The following CNOT2 variants were observed in gnomAD, a reference collection of about 807,000 sequenced individuals.
The protein encoded by CNOT2 is CC chemokine receptor 4-negative regulator of transcription 2.
A neutral mutation model predicts 72.1 loss-of-function variants in CNOT2; 7 were observed. The ratio of observed to expected loss-of-function variants is 0.10; its 90% CI spans 0.06 to 0.18. The LOEUF is 0.18. Among genes scored for constraint, CNOT2 ranks in the 10% least tolerant of loss-of-function variants. The pLI is 1.00. For synonymous variants in CNOT2, 196 were observed against 225.6 expected (o/e 0.87, Z 1.17); for missense variants, 345 against 660.3 (o/e 0.52, Z 5.23).
chr12:70,289,961 T>G (rs1448463860), intron 2 of CNOT2, among the ~76,000 whole-genome samples: 1 of 152,174 alleles, frequency 6.6e-6, no homozygotes, highest in Non-Finnish European at 1.5e-5. Context: ...CTGTTAATAT[T>G]CTTTAGATTT....
intron 1 of CNOT2, among the ~76,000 whole-genome samples, chr12:70,277,530 A>G (rs1388192268): frequency 6.6e-6 from 1 of 152,162 alleles, no homozygotes; most frequent in Non-Finnish European, 1.5e-5. Flanking sequence ...AGACAAAAGC[A>G]TCAAAGGAAG....
intron 2 of CNOT2, among the ~76,000 whole-genome samples, chr12:70,282,061 A>G (rs1490180379): frequency 1.3e-5 from 2 of 152,198 alleles, no homozygotes; most frequent in Admixed American, 1.3e-4. Context: ...GGTACTGCCA[A>G]TACCTAGCTT....
intron 4 of CNOT2, among the ~76,000 whole-genome samples, chr12:70,321,305 G>GA (rs918152497): frequency 6.6e-6 from 1 of 151,852 alleles, no homozygotes; most frequent in East Asian, 1.9e-4. Flanking sequence ...ATAACTAGTG[G>GA]AAAAAGAAAG....
At chr12:70,303,429 C>T (rs1279328680) in intron 2 of CNOT2, among the ~76,000 whole-genome samples, 3 of 152,170 alleles carry the variant, frequency 2.0e-5, no homozygotes, top group Non-Finnish European at 4.4e-5. Flanking sequence ...CAAAATGTCT[C>T]AGCATTTGCT....
At chr12:70,259,830 G>T in intron 1 of CNOT2, among the ~76,000 whole-genome samples, 1 of 152,134 alleles carries the variant, frequency 6.6e-6, no homozygotes, top group Non-Finnish European at 1.5e-5. Flanking sequence ...TCTAGATTTT[G>T]TATGTTGCTA....
chr12:70,299,373 C>G (rs1383795652), intron 2 of CNOT2, among the ~76,000 whole-genome samples: 4 of 115,440 alleles, frequency 3.5e-5, no homozygotes, highest in African/African-American at 9.2e-5. Context: ...TCCCTCCCCC[C>G]TCCCCCCACC....
At chr12:70,282,238 T>G (rs1448261123) in intron 2 of CNOT2, among the ~76,000 whole-genome samples, 1 of 152,184 alleles carries the variant, frequency 6.6e-6, no homozygotes, top group Non-Finnish European at 1.5e-5. Flanking sequence ...TTACTTTGAA[T>G]GGAACTTTTC....
At chr12:70,272,318 G>T (rs1718303610) in intron 1 of CNOT2, among the ~76,000 whole-genome samples, 1 of 152,134 alleles carries the variant, frequency 6.6e-6, no homozygotes, top group African/African-American at 2.4e-5. Flanking sequence ...TCAGACTGTT[G>T]GGTGTTCAGT....
chr12:70,250,598 G>T (rs949685833), intron 1 of CNOT2, among the ~76,000 whole-genome samples: 1 of 151,916 alleles, frequency 6.6e-6, no homozygotes, highest in African/African-American at 2.4e-5. Context: ...AAATAAAGGG[G>T]GATAAAGGTA....
intron 4 of CNOT2, among the ~76,000 whole-genome samples, chr12:70,325,029 G>T (rs1421383914): frequency 6.6e-6 from 1 of 151,742 alleles, no homozygotes; most frequent in Non-Finnish European, 1.5e-5. Flanking sequence ...AGTCAAGCAC[G>T]CTATGTCTAC....
Position 70,278,115 on chromosome 12 carries a change from G to A in CNOT2, c.-95-17G>A. ...CATGTTAGTAATTTTGATGGCTTTT[G>A]GATAATTCCACTCTAGAGGGAGACG... On this transcript the variant is annotated splice_polypyrimidine_tract_variant and intron_variant, in intron 1 of 15. Coordinates refer to ENST00000229195, the MANE Select transcript of CNOT2 (RefSeq NM_014515.7). 1 of 697,070 alleles carries A rather than the reference G, an allele frequency of 1.4e-6. No homozygotes were observed. The highest frequency in any genetic ancestry group is 2.5e-6 in the Non-Finnish European group (1 of 392,864). The allele number at this position is 697,070 out of a possible 1,614,324, so 43.2% of individuals were successfully genotyped here. A position where few individuals can be genotyped will look rare whatever the true frequency, so the allele number is the denominator to read the frequency against.
In CNOT2 at chr12:70,342,174, A is replaced by C; in HGVS notation, c.1240+6A>C. 1 of 1,611,708 alleles carries C rather than the reference A, an allele frequency of 6.2e-7. No individual in the cohort carries two copies. ...TTGTCGACCTCAAGACATAGGTAGGAGAATCTATTTGTGTTTAGACCTTTT... is the reference window on the plus strand; with the variant it reads ...TTGTCGACCTCAAGACATAGGTAGGCGAATCTATTTGTGTTTAGACCTTTT... On this transcript the variant is annotated splice_donor_region_variant and intron_variant, in intron 12 of 15. Transcript: ENST00000229195.
chr12:70,271,773 A>G (rs990579045), intron 1 of CNOT2, among the ~76,000 whole-genome samples: 1 of 152,198 alleles, frequency 6.6e-6, no homozygotes, highest in Non-Finnish European at 1.5e-5. Flanking sequence ...AGTGTTTGCT[A>G]TGGTGAGACA....
chr12:70,281,939 T>C (rs961375879), intron 2 of CNOT2, among the ~76,000 whole-genome samples: 2 of 128,414 alleles, frequency 1.6e-5, no homozygotes, highest in Admixed American at 7.3e-5. Context: ...TAATGGCTAC[T>C]GTATTGAACA....
At chr12:70,252,532 C>T (rs893284826) in intron 1 of CNOT2, among the ~76,000 whole-genome samples, 1 of 152,142 alleles carries the variant, frequency 6.6e-6, no homozygotes, top group African/African-American at 2.4e-5. Flanking sequence ...AATGGTTCAA[C>T]TATGGCATTT....
At chr12:70,300,365 A>G (rs1227852127) in intron 2 of CNOT2, among the ~76,000 whole-genome samples, 1 of 152,216 alleles carries the variant, frequency 6.6e-6, no homozygotes, top group Admixed American at 6.5e-5. Context: ...CTAACATTTA[A>G]GTCTTTAATC....
chr12:70,304,889 C>T (rs1373997957), intron 2 of CNOT2, among the ~76,000 whole-genome samples: 2 of 152,234 alleles, frequency 1.3e-5, no homozygotes, highest in African/African-American at 4.8e-5. Flanking sequence ...ACCCCTCCCC[C>T]AGCCTGGCTG....
intron 2 of CNOT2, among the ~76,000 whole-genome samples, chr12:70,281,805 C>G (rs902194077): frequency 1.8e-5 from 2 of 110,832 alleles, no homozygotes; most frequent in Non-Finnish European, 4.3e-5. Flanking sequence ...GAACTAGTCA[C>G]AAGTAGCTAT....
chr12:70,323,539 G>A (rs1465520107), intron 4 of CNOT2: 1 of 151,718 alleles, frequency 6.6e-6, no homozygotes, highest in African/African-American at 2.4e-5. Flanking sequence ...AAAATGATTA[G>A]GAAAAGAATT....
Sources: gnomAD v4.1 joint callset for allele counts (sites outside exome capture counted in the v4.1 genomes callset) on GRCh38, gnomAD v4.1.1 for gene constraint, MANE v1.5 for transcripts, NCBI Gene and HGNC (gene_info 2026-07-23, HGNC 2026-07-21) for gene names.